Variants in HARS1 observed in about 807,000 individuals in gnomAD.
The protein encoded by HARS1 is histidine--tRNA ligase, cytoplasmic.
Under a neutral mutation model 63.6 loss-of-function variants are expected in HARS1, and 45 were observed. The ratio of observed to expected loss-of-function variants is 0.71; its 90% CI spans 0.56 to 0.91. The LOEUF is 0.91. Among genes scored for constraint, HARS1 ranks in the 40% least tolerant of loss-of-function variants. The pLI, the probability that HARS1 is intolerant of heterozygous loss-of-function variation, is 0.00. For synonymous variants in HARS1, 205 were observed against 247.1 expected (o/e 0.83, Z 1.60); for missense variants, 508 against 643.2 (o/e 0.79, Z 2.27).
chr5:140,690,316 G>C (rs1282749962), intron 2 of HARS1, among the ~76,000 whole-genome samples: 1 of 152,106 alleles, frequency 6.6e-6, no homozygotes, highest in Non-Finnish European at 1.5e-5. Flanking sequence ...GCTGGGCATG[G>C]TGGTGGGCAC....
At position 140,674,156 on chromosome 5, in the gene HARS1, G is replaced by C. The variant is rs1199231584; in HGVS notation, c.*101C>G. On this transcript the variant is annotated 3_prime_UTR_variant, in exon 13 of 13. Transcript: ENST00000504156. Reference sequence around the variant, plus strand: ...GTTCTGACCACTCTTCAGGTCTTCCGCTGAAACGGAAAAGTGCAAAGCAAT... The same window carrying C: ...GTTCTGACCACTCTTCAGGTCTTCCCCTGAAACGGAAAAGTGCAAAGCAAT... 7.5e-6 allele frequency: 6 copies of C among 803,060 alleles called. No homozygotes were observed. The Admixed American group carries it at 1.1e-4, about 14-fold the overall frequency. The allele number at this position is 803,060 out of a possible 1,614,324, so 49.7% of individuals were successfully genotyped here.
chr5:140,689,068 G>A (rs1390164466), intron 2 of HARS1, among the ~76,000 whole-genome samples: 3 of 152,174 alleles, frequency 2.0e-5, no homozygotes, highest in African/African-American at 4.8e-5. Context: ...AATCATTGAT[G>A]ATCACCACTT....
chr5:140,682,264 T>C (rs2149831784), intron 3 of HARS1, among the ~76,000 whole-genome samples: 1 of 152,060 alleles, frequency 6.6e-6, no homozygotes, highest in Non-Finnish European at 1.5e-5. Context: ...CTGCAGTCTC[T>C]AGTATAATCT....
intron 12 of HARS1, 54 bp from the exon 13 acceptor site, chr5:140,674,382 C>T (rs936393690): frequency 1.8e-5 from 23 of 1,248,066 alleles, no homozygotes; most frequent in Non-Finnish European, 2.7e-5. Context: ...CCACTGCTCC[C>T]CGAGTGCCTA....
chr5:140,677,929 C>T lies in HARS1; in HGVS notation c.609G>A (p.Gln203=), dbSNP rs758940873. 1.9e-6 allele frequency: 3 copies of T among 1,609,990 alleles called. No homozygotes were observed. In the East Asian group the frequency reaches 6.7e-5, roughly 36 times the overall value. ...TGACCTTGACCAGGAAGTCGCCTATCTGAAGTGAACTCAGGATCTCGCACA... is the reference window on the plus strand; with the variant it reads ...TGACCTTGACCAGGAAGTCGCCTATTTGAAGTGAACTCAGGATCTCGCACA... ...KIMCEILSSL[Q]IGDFLVKVND... is the part of the protein sequence containing the mutation. Residue 203 remains glutamine, a synonymous_variant, in exon 6 of 13, where the codon CAG becomes CAA. Coordinates refer to ENST00000504156, the MANE Select transcript of HARS1 (RefSeq NM_002109.6).
rs558653160 is a variant in HARS1 at position 140,690,965 on chromosome 5, C to G, written c.91-21G>C. Reference sequence around the variant, plus strand: ...TCGATCTGTGGAGGGAAAGAAGGCGCTGAGCTATCCATCTGTCACTCTCCT... The same window carrying G: ...TCGATCTGTGGAGGGAAAGAAGGCGGTGAGCTATCCATCTGTCACTCTCCT... On this transcript the variant is annotated intron_variant, in intron 1 of 12. Transcript: ENST00000504156. 1.0e-4 allele frequency: 146 copies of G among 1,402,160 alleles called. 2 individuals are homozygous for G. In the South Asian group the frequency reaches 1.6e-3, roughly 15 times the overall value. The allele number at this position is 1,402,160 out of a possible 1,614,324, so 86.9% of individuals were successfully genotyped here.
At chr5:140,683,571 C>T in intron 2 of HARS1, 2 of 941,154 alleles carry the variant, frequency 2.1e-6, no homozygotes, top group Middle Eastern at 5.2e-4. Context: ...GTGGCTCACG[C>T]CTGTAATCCC....
chr5:140,677,350 A>G lies in HARS1; in HGVS notation c.800T>C (p.Ile267Thr), dbSNP rs766324898. 3.3e-5 allele frequency: 53 copies of G among 1,613,238 alleles called. No homozygotes were observed. The highest frequency in any genetic ancestry group is 4.4e-5 in the South Asian group (4 of 91,068). Reference sequence around the variant, plus strand: ...ACCATGTTGCTGGACATAGTCCCCAATGCGGTCAGCCACCTCAGGTGCAAG... The same window carrying G: ...ACCATGTTGCTGGACATAGTCCCCAGTGCGGTCAGCCACCTCAGGTGCAAG... ...KGLAPEVADR[I>T]GDYVQQHGGV... Residue 267 changes from isoleucine (I) to threonine (T), a missense_variant, in exon 8 of 13, where the codon ATT becomes ACT. Transcript: ENST00000504156.
Position 140,679,744 on chromosome 5 carries a change from G to A in HARS1, c.396+44C>T. 2.0e-6 allele frequency: 2 copies of A among 991,640 alleles called. No homozygotes were observed. Among genetic ancestry groups the A allele is most frequent in the East Asian group, 2.4e-5 (1 of 41,250 alleles). The allele number at this position is 991,640 out of a possible 1,614,324, so 61.4% of individuals were successfully genotyped here. On this transcript the variant is annotated intron_variant, in intron 4 of 12. Coordinates refer to ENST00000504156, the MANE Select transcript of HARS1 (RefSeq NM_002109.6). The surrounding 1 kb of genome is among the most constrained non-coding windows in gnomAD (Gnocchi z 4.3). ...ATTCTTAAACCTGAGCCAAGTGAGT[G>A]CCAATCCATCCAAAGTCTCAAGAGC...
At chr5:140,674,440 G>T in intron 12 of HARS1, 112 bp from the exon 13 acceptor site, 1 of 878,722 alleles carries the variant, frequency 1.1e-6, no homozygotes. Context: ...CTGGGAGCAG[G>T]AACCTAATTA....
chr5:140,691,153 A>AC lies in HARS1; in HGVS notation c.90+61dup. On this transcript the variant is annotated intron_variant, in intron 1 of 12. Coordinates refer to ENST00000504156, the MANE Select transcript of HARS1 (RefSeq NM_002109.6). ...CACATCTCTACCCTATGTCCCGAAC[A>AC]CCCTGGCTTTACGTCCTCCCAGGCT... The AC allele has an allele frequency of 3.1e-6, 4 of 1,277,582 alleles. No homozygotes were observed. In the South Asian group the frequency reaches 5.1e-5, roughly 16 times the overall value. 79.1% of individuals were successfully genotyped at this position (1,277,582 alleles called of 1,614,324 possible).
Position 140,677,958 on chromosome 5 carries a change from T to A in HARS1, c.580A>T (p.Ile194Phe). The A allele has an allele frequency of 6.2e-7, 1 of 1,612,532 alleles. No individual in the cohort carries two copies. Residue 194 changes from isoleucine (I) to phenylalanine (F), a missense_variant, in exon 6 of 13, where the codon ATC (isoleucine) becomes TTC (phenylalanine). Physicochemically the swap from Ile to Phe is conservative, Grantham distance 21. Around this residue, in one of 2 missense-constraint regions of HARS1, gnomAD observed 403 missense variants for 548.7 expected, o/e 0.73. Coordinates refer to ENST00000504156, the MANE Select transcript of HARS1 (RefSeq NM_002109.6). The part of the protein sequence containing the change: ...PMIPDAECLK[I>F]MCEILSSLQI... ...AGTGAACTCAGGATCTCGCACATGA[T>A]CTTCAGGCACTCTGCATCAGGGATC...
At chr5:140,687,962 G>C (rs1281673043) in intron 2 of HARS1, 4 of 152,090 alleles carry the variant, frequency 2.6e-5, no homozygotes, top group African/African-American at 9.7e-5. Context: ...AAATTAGCTA[G>C]GTGCGGTGGC....
chr5:140,686,953 A>G (rs1759075487), intron 2 of HARS1, among the ~76,000 whole-genome samples: 1 of 152,254 alleles, frequency 6.6e-6, no homozygotes, highest in Non-Finnish European at 1.5e-5. Context: ...GCCTACAAGT[A>G]CTGTCAGATG....
At chr5:140,680,445 T>G (rs1758653964) in intron 3 of HARS1, among the ~76,000 whole-genome samples, 1 of 152,102 alleles carries the variant, frequency 6.6e-6, no homozygotes, top group African/African-American at 2.4e-5. Flanking sequence ...GCGCCCGGCC[T>G]GAAGTGTTTT....
chr5:140,674,709 G>A lies in HARS1; in HGVS notation c.1428C>T (p.Ile476=). 1 of 1,614,214 alleles carries A rather than the reference G, an allele frequency of 6.2e-7. No homozygotes were observed. The highest frequency in any genetic ancestry group is 1.7e-5 in the Admixed American group (1 of 60,026). Residue 476 remains isoleucine, a synonymous_variant, in exon 12 of 13, where the codon ATC becomes ATT. Transcript: ENST00000504156. The part of the protein sequence containing the change: ...IGEQELKDGV[I]KLRSVTSREE... The stretch of plus-strand genomic sequence containing the variant: ...CCCTGCTCGTCACTGAACGGAGCTT[G>A]ATGACCCCATCCTTGAGTTCCTGCT...
chr5:140,690,868 A>G lies in HARS1; in HGVS notation c.167T>C (p.Leu56Pro). 6.3e-7 allele frequency: 1 copy of G among 1,593,190 alleles called. No individual in the cohort carries two copies. The highest frequency in any genetic ancestry group is 8.6e-7 in the Non-Finnish European group (1 of 1,160,878). Reference protein sequence around the residue: ...GPDESKQKFVLKTPKGTRDYS... With the variant: ...GPDESKQKFVPKTPKGTRDYS... Reference sequence around the variant, plus strand: ...GAATGATATTACCTTGGGGGTTTTGAGCACAAATTTCTGTTTGCTTTCATC... The same window carrying G: ...GAATGATATTACCTTGGGGGTTTTGGGCACAAATTTCTGTTTGCTTTCATC... The change falls in exon 2 of 13, where the codon CTC (leucine) becomes CCC (proline). Residue 56 changes from leucine to proline, a missense_variant. Coordinates refer to ENST00000504156, the MANE Select transcript of HARS1 (RefSeq NM_002109.6).
rs1554106864 is a variant in HARS1 at position 140,676,794 on chromosome 5, G to T, written c.1054C>A (p.Leu352Met). Residue 352 changes from leucine (L) to methionine (M), a missense_variant, in exon 10 of 13, where the codon CTG becomes ATG. Physicochemically the swap from Leu to Met is conservative, Grantham distance 15. Around this residue, in one of 2 missense-constraint regions of HARS1, gnomAD observed 403 missense variants for 548.7 expected, o/e 0.73. Transcript: ENST00000504156. This position sits in a 1 kb window ranked among gnomAD's most constrained non-coding sequence, Gnocchi z 4.1. ...QTPAQAGEEPLGVGSVAAGGR... is the reference protein window; with the variant it reads ...QTPAQAGEEPMGVGSVAAGGR... ...CCAGCAGCCACACTGCCCACACCCA[G>T]GGGCTCTTCCCCTGCCTGGGCTGGG... 1 of 1,614,146 alleles carries T rather than the reference G, an allele frequency of 6.2e-7. No individual in the cohort carries two copies. Among genetic ancestry groups the T allele is most frequent in the African/African-American group, 1.3e-5 (1 of 74,956 alleles).
rs1247070065 is a variant in HARS1 at position 140,691,217 on chromosome 5, G to T, written c.88C>A (p.Leu30Met). The T allele has an allele frequency of 1.6e-5, 25 of 1,599,664 alleles. No homozygotes were observed. The highest frequency in any genetic ancestry group is 1.8e-5 in the Non-Finnish European group (21 of 1,174,624). The change falls in exon 1 of 13, where the codon CTG becomes ATG. Residue 30 changes from leucine to methionine, a missense_variant and splice_region_variant. Physicochemically the swap from Leu to Met is conservative, Grantham distance 15 (BLOSUM62 2). This residue lies in a region of HARS1 where 105 missense variants were observed against 94.5 expected (regional missense o/e 1.11). Coordinates refer to ENST00000504156, the MANE Select transcript of HARS1 (RefSeq NM_002109.6). Reference sequence around the variant, plus strand: ...CTCCCCTGCTGCCTAAATCTCACCAGCTCGGCGCTGGCCTTCTGCTGCTTG... The same window carrying T: ...CTCCCCTGCTGCCTAAATCTCACCATCTCGGCGCTGGCCTTCTGCTGCTTG... ...GLKQQKASAELIEEEVAKLLK... is the reference protein window; with the variant it reads ...GLKQQKASAEMIEEEVAKLLK...
Sources: gnomAD v4.1 joint callset for allele counts (sites outside exome capture counted in the v4.1 genomes callset) on GRCh38, gnomAD v4.1.1 for gene constraint, gnomAD v4.1.1 regional missense constraint, Gnocchi (gnomAD v3.1) non-coding constraint, MANE v1.5 for transcripts, NCBI Gene and HGNC (gene_info 2026-07-23, HGNC 2026-07-21) for gene names.